KCND3: variants seen among roughly 807,000 people sequenced by gnomAD.
KCND3 encodes the protein potassium voltage-gated channel subfamily D member 3.
In KCND3, 9 loss-of-function variants were observed where a neutral mutation model predicts 51.1. That is an observed-to-expected ratio of 0.18 (90% CI 0.11 to 0.31). The LOEUF (loss-of-function observed/expected upper bound fraction) is 0.31, where lower values mean the gene tolerates loss of function less well. Among genes scored for constraint, KCND3 ranks in the 10% least tolerant of loss-of-function variants. The probability of loss-of-function intolerance (pLI) is 1.00; values close to 1 mark genes in which losing one functional copy is unlikely to be tolerated. For missense variants in KCND3, 526 were observed against 903.8 expected (o/e 0.58, Z 5.36); for synonymous variants, 349 against 368.0 (o/e 0.95, Z 0.59).
rs371570419 is a variant in KCND3, at chr1:111,954,523, T to G, written c.1106+27098A>C. Among the ~76,000 whole-genome samples the G allele has an allele frequency of 4.6e-4, 70 of 152,322 alleles. 1 individual carries two copies. The highest frequency in any genetic ancestry group is 1.6e-3 in the African/African-American group (67 of 41,564). The stretch of plus-strand genomic sequence containing the variant: ...CAGAATTGCCTCAACCCAATAAACT[T>G]GCAGCAACAGTGGGAGCTGAAAGTG... On this transcript the variant is annotated intron_variant, in intron 2 of 7. Coordinates refer to ENST00000302127, the MANE Select transcript of KCND3 (RefSeq NM_001378969.1).
At chr1:111,778,343 C>T (rs1664219918) in intron 6 of KCND3, 93 bp downstream of exon 6, 1 of 1,184,308 alleles carries the variant, frequency 8.4e-7, no homozygotes, top group Non-Finnish European at 1.3e-6. Flanking sequence ...GCAGCACATG[C>T]ACAGAACCAG....
chr1:111,957,513 AC>A (rs950586335), intron 2 of KCND3, among the ~76,000 whole-genome samples: 2 of 152,026 alleles, frequency 1.3e-5, no homozygotes, highest in Non-Finnish European at 2.9e-5. Flanking sequence ...AAACAAAATG[AC>A]CTTTAAGGTT....
chr1:111,965,355 T>A (rs1420188317), intron 2 of KCND3, among the ~76,000 whole-genome samples: 3 of 150,740 alleles, frequency 2.0e-5, no homozygotes, highest in Non-Finnish European at 2.9e-5. Flanking sequence ...GAGGGCAGGA[T>A]CCTAAAGTTC....
intron 2 of KCND3, among the ~76,000 whole-genome samples, chr1:111,904,225 G>A (rs966129544): frequency 2.0e-5 from 3 of 151,804 alleles, no homozygotes; most frequent in Admixed American, 2.0e-4. Context: ...CAGTTGCCCT[G>A]GGCTCTGCCT....
intron 2 of KCND3, among the ~76,000 whole-genome samples, chr1:111,847,362 G>A (rs1667601151): frequency 6.6e-6 from 1 of 152,226 alleles, no homozygotes; most frequent in Admixed American, 6.5e-5. Flanking sequence ...GAGTGTGTGT[G>A]TGTGTTTTGC....
intron 2 of KCND3, among the ~76,000 whole-genome samples, chr1:111,839,561 A>G (rs1667230198): frequency 6.6e-6 from 1 of 152,262 alleles, no homozygotes; most frequent in Admixed American, 6.5e-5. Flanking sequence ...GCTAACCTTT[A>G]TTTAAGGGTT....
chr1:111,931,425 T>C (rs1393895587), intron 2 of KCND3, among the ~76,000 whole-genome samples: 5 of 151,816 alleles, frequency 3.3e-5, no homozygotes, highest in Non-Finnish European at 7.4e-5. Context: ...CCTGTAGAGT[T>C]CCCCCTGAGA....
chr1:111,904,780 T>A (rs1161361476), intron 2 of KCND3, among the ~76,000 whole-genome samples: 1 of 152,130 alleles, frequency 6.6e-6, no homozygotes, highest in Non-Finnish European at 1.5e-5. Flanking sequence ...AGCCCTGACA[T>A]ACTGGGGACA....
chr1:111,965,076 C>T (rs1002259442), intron 2 of KCND3, among the ~76,000 whole-genome samples: 1 of 150,888 alleles, frequency 6.6e-6, no homozygotes, highest in African/African-American at 2.4e-5. Context: ...CCCAAACTGC[C>T]CCCAAACACT....
intron 2 of KCND3, among the ~76,000 whole-genome samples, chr1:111,954,246 G>T (rs745850028): frequency 1.4e-4 from 21 of 152,138 alleles, no homozygotes; most frequent in Non-Finnish European, 2.2e-4. Flanking sequence ...CAACTGTCCA[G>T]TTTTTGTGAG....
At chr1:111,965,438 C>CCACACACACACACACCCACACACACA (rs1673916638) in intron 2 of KCND3, among the ~76,000 whole-genome samples, 1 of 72,368 alleles carries the variant, frequency 1.4e-5, no homozygotes, top group Admixed American at 1.8e-4. Context: ...GCCAGCAAAA[C>CCACACACACACACACCCACACACACA]CACACACACA....
rs1430597455 is a variant in KCND3, at chr1:111,776,115, A to C, written c.1930T>G (p.Ser644Ala). Residue 644 changes from serine (S) to alanine (A), a missense_variant, in exon 8 of 8, where the codon TCC becomes GCC. Physicochemically the swap from Ser to Ala is moderately conservative, Grantham distance 99. Transcript: ENST00000302127. The stretch of plus-strand genomic sequence containing the variant: ...ACCTTGACAACATTGCTGGCTATGG[A>C]AGGAATGTTCGTGTTGGGGCCTGGG... ...ASPGPNTNIP[S>A]IASNVVKVSA... is the part of the protein sequence containing the mutation. 3 of 1,614,160 alleles carry C rather than the reference A, an allele frequency of 1.9e-6. No individual in the cohort carries two copies. The highest frequency in any genetic ancestry group is 1.1e-5 in the South Asian group (1 of 91,086).
chr1:111,891,017 G>A (rs1044975370), intron 2 of KCND3, among the ~76,000 whole-genome samples: 2 of 152,164 alleles, frequency 1.3e-5, no homozygotes, highest in Non-Finnish European at 2.9e-5. Flanking sequence ...CAGGCTGCAT[G>A]GCAGAGTGAC....
chr1:111,931,897 C>A (rs144971122), intron 2 of KCND3, among the ~76,000 whole-genome samples: 244 of 152,352 alleles, frequency 1.6e-3, no homozygotes, highest in African/African-American at 5.6e-3. Context: ...GTGGCAAATG[C>A]CCCTGCTCCG....
chr1:111,861,712 T>C (rs183292605), intron 2 of KCND3, among the ~76,000 whole-genome samples: 1 of 152,306 alleles, frequency 6.6e-6, no homozygotes, highest in Admixed American at 6.5e-5. Context: ...GGGAGGGCTC[T>C]GCAGGGAAGA....
chr1:111,893,475 G>A (rs188553809), intron 2 of KCND3, among the ~76,000 whole-genome samples: 36 of 152,312 alleles, frequency 2.4e-4, no homozygotes, highest in African/African-American at 8.4e-4. Context: ...GCCAGGCACA[G>A]GCTGTGGAAG....
chr1:111,906,656 C>T (rs1160236625), intron 2 of KCND3, among the ~76,000 whole-genome samples: 1 of 152,210 alleles, frequency 6.6e-6, no homozygotes, highest in African/African-American at 2.4e-5. Flanking sequence ...TGCTTTTCCT[C>T]TCTACCCTGG....
intron 2 of KCND3, among the ~76,000 whole-genome samples, chr1:111,841,765 G>A (rs1667331270): frequency 6.6e-6 from 1 of 152,218 alleles, no homozygotes; most frequent in Non-Finnish European, 1.5e-5. Context: ...TCTTCCTTTA[G>A]TGTGTTTGGC....
intron 2 of KCND3, among the ~76,000 whole-genome samples, chr1:111,974,966 C>T (rs1176077179): frequency 6.6e-6 from 1 of 152,198 alleles, no homozygotes; most frequent in Admixed American, 6.5e-5. Context: ...GGCTCAAATC[C>T]TATGGTGTGA....
Sources: gnomAD v4.1 joint callset for allele counts (sites outside exome capture counted in the v4.1 genomes callset) on GRCh38, gnomAD v4.1.1 for gene constraint, MANE v1.5 for transcripts, NCBI Gene and HGNC (gene_info 2026-07-23, HGNC 2026-07-21) for gene names.